MAPKAP1: variants seen among roughly 807,000 people sequenced by gnomAD.
MAPKAP1 encodes the protein MAPK associated protein 1, also known as target of rapamycin complex 2 subunit MAPKAP1.
Under a neutral mutation model 65.7 loss-of-function variants are expected in MAPKAP1, and 20 were observed. The observed-to-expected ratio is 0.30, with a 90% CI of 0.21 to 0.44. The LOEUF (loss-of-function observed/expected upper bound fraction) is 0.44, where lower values mean the gene tolerates loss of function less well. MAPKAP1 is among the 20% of genes least tolerant of loss of function. The pLI is 1.00. For missense variants in MAPKAP1, 423 were observed against 648.0 expected (o/e 0.65, Z 3.77); for synonymous variants, 222 against 244.3 (o/e 0.91, Z 0.85).
chr9:125,682,919 G>T (rs1834864627), intron 1 of MAPKAP1, among the ~76,000 whole-genome samples: 1 of 151,568 alleles, frequency 6.6e-6, no homozygotes, highest in Non-Finnish European at 1.5e-5. Flanking sequence ...TGCCTTCATG[G>T]ATCTTCTGAG....
intron 5 of MAPKAP1, among the ~76,000 whole-genome samples, chr9:125,579,378 G>A (rs1214827977): frequency 5.3e-5 from 8 of 152,118 alleles, no homozygotes; most frequent in East Asian, 1.9e-4. Flanking sequence ...TGCAACCTCC[G>A]TCTCCCAGGT....
chr9:125,556,423 A>C (rs1289742005), intron 6 of MAPKAP1, among the ~76,000 whole-genome samples: 3 of 152,242 alleles, frequency 2.0e-5, no homozygotes, highest in Non-Finnish European at 4.4e-5. Flanking sequence ...CATGGACTTT[A>C]AAGTCAGGGA....
Position 125,438,750 on chromosome 9 carries a change from G to A in MAPKAP1, c.*137C>T. 1 of 1,210,868 alleles carries A rather than the reference G, an allele frequency of 8.3e-7. No individual in the cohort carries two copies. The highest frequency in any genetic ancestry group is 1.2e-6 in the Non-Finnish European group (1 of 864,266). The allele number at this position is 1,210,868 out of a possible 1,614,324, so 75.0% of individuals were successfully genotyped here. ...AGGGGGCCCCCGACACCTTCCCCGA[G>A]AGCCCACCTGCCCTGTGCCAGTGAG... On this transcript the variant is annotated 3_prime_UTR_variant, in exon 12 of 12. Coordinates refer to ENST00000265960, the MANE Select transcript of MAPKAP1 (RefSeq NM_001006617.3).
chr9:125,586,509 T>TG (rs370644509), intron 4 of MAPKAP1, among the ~76,000 whole-genome samples: 75 of 148,394 alleles, frequency 5.1e-4, no homozygotes, highest in East Asian at 7.8e-4. Flanking sequence ...GCTTTGTTGT[T>TG]GTTTTTTTTT....
chr9:125,449,278 G>T (rs185377315), intron 10 of MAPKAP1, among the ~76,000 whole-genome samples: 3 of 152,270 alleles, frequency 2.0e-5, no homozygotes, highest in Admixed American at 2.0e-4. Context: ...CTGTAAAGGA[G>T]GGGATAGCAT....
At chr9:125,650,465 T>C (rs897207215) in intron 4 of MAPKAP1, 1 of 152,342 alleles carries the variant, frequency 6.6e-6, no homozygotes, top group African/African-American at 2.4e-5. Flanking sequence ...CAAATTCCCC[T>C]TGCCTCAGAC....
At chr9:125,541,111 A>G (rs1415576833) in intron 7 of MAPKAP1, among the ~76,000 whole-genome samples, 1 of 152,236 alleles carries the variant, frequency 6.6e-6, no homozygotes, top group East Asian at 1.9e-4. Context: ...AAAGGAATAA[A>G]TAACGCAGAT....
At chr9:125,689,936 A>C (rs1296267112) in intron 1 of MAPKAP1, among the ~76,000 whole-genome samples, 1 of 151,482 alleles carries the variant, frequency 6.6e-6, no homozygotes, top group Non-Finnish European at 1.5e-5. Context: ...AAAAAATACA[A>C]AATTAGTTGG....
intron 4 of MAPKAP1, among the ~76,000 whole-genome samples, chr9:125,612,709 T>G (rs1832638310): frequency 6.6e-6 from 1 of 152,182 alleles, no homozygotes; most frequent in East Asian, 1.9e-4. Context: ...GGGAGAACAC[T>G]TCCACTGGGA....
intron 1 of MAPKAP1, among the ~76,000 whole-genome samples, chr9:125,691,058 G>T (rs1221815362): frequency 6.6e-6 from 1 of 152,158 alleles, no homozygotes; most frequent in Non-Finnish European, 1.5e-5. Context: ...TCAGGAGAAT[G>T]AGACCATCCT....
chr9:125,471,513 T>A (rs1853921832), intron 9 of MAPKAP1: 1 of 152,492 alleles, frequency 6.6e-6, no homozygotes, highest in Non-Finnish European at 1.5e-5. Flanking sequence ...TCAGAGAGGT[T>A]CCTGGGGCAT....
At chr9:125,672,285 T>A (rs374532999) in intron 2 of MAPKAP1, 31 bp downstream of exon 2, 1 of 1,610,032 alleles carries the variant, frequency 6.2e-7, no homozygotes, top group Non-Finnish European at 8.5e-7. Context: ...GATTTAAAGC[T>A]CAGAAGACAT....
At chr9:125,563,059 C>T (rs1830939390) in intron 5 of MAPKAP1, among the ~76,000 whole-genome samples, 1 of 152,164 alleles carries the variant, frequency 6.6e-6, no homozygotes, top group African/African-American at 2.4e-5. Context: ...CTTGCTTTTA[C>T]AGATGGGAAA....
At chr9:125,693,304 C>T (rs1057325534) in intron 1 of MAPKAP1, among the ~76,000 whole-genome samples, 1 of 151,758 alleles carries the variant, frequency 6.6e-6, no homozygotes, top group African/African-American at 2.4e-5. Flanking sequence ...ATCCCAGCTA[C>T]TCGGGCAGCT....
At chr9:125,706,179 G>A (rs187645859) in intron 1 of MAPKAP1, among the ~76,000 whole-genome samples, 1 of 152,148 alleles carries the variant, frequency 6.6e-6, no homozygotes, top group African/African-American at 2.4e-5. Context: ...CCCATATCTA[G>A]GCTTCTGCTC....
At chr9:125,568,390 C>T (rs1831125746) in intron 5 of MAPKAP1, among the ~76,000 whole-genome samples, 1 of 152,154 alleles carries the variant, frequency 6.6e-6, no homozygotes, top group Admixed American at 6.5e-5. Flanking sequence ...GCTGATGGGA[C>T]TGCTAGAAAA....
At chr9:125,677,549 A>AG (rs1029065332) in intron 1 of MAPKAP1, among the ~76,000 whole-genome samples, 5 of 151,968 alleles carry the variant, frequency 3.3e-5, no homozygotes, top group East Asian at 1.9e-4. Context: ...TATAAAAAGT[A>AG]GGGGGGCGTG....
chr9:125,558,644 C>A (rs938305187), intron 6 of MAPKAP1, among the ~76,000 whole-genome samples: 2 of 152,078 alleles, frequency 1.3e-5, no homozygotes, highest in Non-Finnish European at 2.9e-5. Flanking sequence ...CCAAAGGGAT[C>A]GCTATTGTTC....
chr9:125,547,765 G>C (rs1476019523), intron 6 of MAPKAP1, among the ~76,000 whole-genome samples: 1 of 152,216 alleles, frequency 6.6e-6, no homozygotes, highest in Non-Finnish European at 1.5e-5. Flanking sequence ...TCAGTGAGTA[G>C]CCTGTGGCCC....
Sources: allele counts gnomAD v4.1 joint callset (sites outside exome capture counted in the v4.1 genomes callset), GRCh38; gene constraint gnomAD v4.1.1; transcripts MANE v1.5; gene names NCBI Gene and HGNC (gene_info 2026-07-23, HGNC 2026-07-21).